The following GYPE variants were observed in gnomAD, a reference collection of about 807,000 sequenced individuals.
The protein encoded by GYPE is glycophorin E (MNS blood group), also known as glycophorin-E.
GYPE carries 8 observed loss-of-function variants against 11.6 expected under a neutral mutation model. The observed-to-expected ratio is 0.69, with a 90% CI of 0.41 to 1.25. The LOEUF (loss-of-function observed/expected upper bound fraction) is 1.25. Among genes scored for constraint, GYPE ranks in the 50% most tolerant of loss-of-function variants. The pLI is 0.01. For missense variants in GYPE, 90 were observed against 92.8 expected (o/e 0.97, Z 0.12); for synonymous variants, 28 against 29.6 (o/e 0.94, Z 0.18).
chr4:143,871,787 C>G lies in GYPE; in HGVS notation c.*475G>C, dbSNP rs1218094522. 6.6e-6 allele frequency: 1 copy of G among 152,118 alleles called. No homozygotes were observed. Among genetic ancestry groups the G allele is most frequent in the African/African-American group, 2.4e-5 (1 of 41,418 alleles). The allele number at this position is 152,118 out of a possible 1,614,324, so 9.4% of individuals were successfully genotyped here. A position where few individuals can be genotyped will look rare whatever the true frequency, so the allele number is the denominator to read the frequency against. On this transcript the variant is annotated 3_prime_UTR_variant, in exon 4 of 4. Coordinates refer to ENST00000358615, the MANE Select transcript of GYPE (RefSeq NM_198682.3). Reference sequence around the variant, plus strand: ...TTCGGGCGGCATTTTGCCAATATAGCCCTATCCTAAGGGAAAGGGAATTGT... The same window carrying G: ...TTCGGGCGGCATTTTGCCAATATAGGCCTATCCTAAGGGAAAGGGAATTGT...
At chr4:143,872,686 T>C (rs184553385) in intron 3 of GYPE, among the ~76,000 whole-genome samples, 1 of 152,094 alleles carries the variant, frequency 6.6e-6, no homozygotes, top group East Asian at 1.9e-4. Flanking sequence ...ACAAAGCAGA[T>C]AAAAAATACA....
chr4:143,880,075 C>T (rs1219266780), intron 2 of GYPE, among the ~76,000 whole-genome samples: 1 of 152,198 alleles, frequency 6.6e-6, no homozygotes, highest in African/African-American at 2.4e-5. Context: ...GAGCTGAGCC[C>T]GGGTCTGAGC....
chr4:143,894,386 C>T lies in GYPE; in HGVS notation c.37+11085G>A, dbSNP rs1319434770. Among the ~76,000 whole-genome samples the T allele has an allele frequency of 3.3e-5, 5 of 152,024 alleles. No homozygotes were observed. The South Asian group carries it at 1.0e-3, about 32-fold the overall frequency. On this transcript the variant is annotated intron_variant, in intron 1 of 3. Coordinates refer to ENST00000358615, the MANE Select transcript of GYPE (RefSeq NM_198682.3). ...GTTCCTTTGGAGGAGGAGAGGTGCT[C>T]TGCTTTTTAGAGTTTCCAGTTTTTC...
intron 1 of GYPE, among the ~76,000 whole-genome samples, chr4:143,903,544 A>AAAAAAAAAAG (rs1744946440): frequency 1.4e-5 from 2 of 146,064 alleles, no homozygotes; most frequent in African/African-American, 5.0e-5. Flanking sequence ...AAAAAAAAAG[A>AAAAAAAAAAG]AAAAAAAAGA....
At chr4:143,892,054 A>G (rs1341725944) in intron 1 of GYPE, among the ~76,000 whole-genome samples, 5 of 152,158 alleles carry the variant, frequency 3.3e-5, no homozygotes, top group Non-Finnish European at 7.3e-5. Context: ...TGTATGTGTC[A>G]AGGAATCTAT....
intron 1 of GYPE, among the ~76,000 whole-genome samples, chr4:143,895,628 A>C (rs1226710934): frequency 4.1e-4 from 60 of 146,396 alleles, no homozygotes; most frequent in Admixed American, 7.6e-4. Flanking sequence ...GCTACCAATG[A>C]CTTTCTTCAC....
intron 1 of GYPE, among the ~76,000 whole-genome samples, chr4:143,904,409 G>A (rs1297225987): frequency 6.6e-6 from 1 of 152,030 alleles, no homozygotes; most frequent in African/African-American, 2.4e-5. Context: ...TAAAGACAAG[G>A]ACACATAAAA....
chr4:143,874,752 G>T (rs1223226630), intron 3 of GYPE, among the ~76,000 whole-genome samples: 3 of 152,122 alleles, frequency 2.0e-5, no homozygotes, highest in Non-Finnish European at 4.4e-5. Flanking sequence ...TGGGCATCCT[G>T]GAGTCCCTCA....
intron 2 of GYPE, among the ~76,000 whole-genome samples, chr4:143,878,301 T>C (rs976392873): frequency 2.6e-5 from 4 of 152,050 alleles, no homozygotes; most frequent in African/African-American, 9.7e-5. Flanking sequence ...CCATCCCAGT[T>C]AATTTTTGTA....
chr4:143,896,992 C>T (rs2149914939), intron 1 of GYPE, among the ~76,000 whole-genome samples: 1 of 151,152 alleles, frequency 6.6e-6, no homozygotes, highest in Admixed American at 6.6e-5. Context: ...GAACATCACA[C>T]TCTGGGGACT....
intron 1 of GYPE, among the ~76,000 whole-genome samples, chr4:143,892,913 T>TA (rs1163343330): frequency 1.3e-5 from 2 of 150,858 alleles, no homozygotes; most frequent in Non-Finnish European, 3.0e-5. Flanking sequence ...AGTGGGGTGT[T>TA]AAAGTCTCCC....
At position 143,880,439 on chromosome 4, in the gene GYPE, T is replaced by C. The variant is rs1427531950; in HGVS notation, c.108A>G (p.Thr36=). The part of the protein sequence containing the change: ...AMHTSTSSSV[T]KSYISSQTNG... ...TTGTCTGTGATGAGATGTAACTCTT[T>C]GTGACTGAAGAAGAGGTTGAAGTGT... Residue 36 remains threonine, a synonymous_variant, in exon 2 of 4, where the codon ACA becomes ACG. Transcript: ENST00000358615. 4 of 1,614,008 alleles carry C rather than the reference T, an allele frequency of 2.5e-6. No individual in the cohort carries two copies. The highest frequency in any genetic ancestry group is 3.4e-6 in the Non-Finnish European group (4 of 1,179,858).
intron 1 of GYPE, among the ~76,000 whole-genome samples, chr4:143,883,842 G>C (rs901752368): frequency 1.3e-5 from 2 of 151,456 alleles, no homozygotes; most frequent in Admixed American, 6.6e-5. Context: ...AAAACAAAAA[G>C]TAAAAAATAA....
chr4:143,871,220 C>G lies in GYPE; in HGVS notation c.*1042G>C, dbSNP rs1278658491. ...AGTCATTCCACATATTGAGTGATTT[C>G]TCTCTTCTATTCAGTATTCTTCCAC... On this transcript the variant is annotated 3_prime_UTR_variant, in exon 4 of 4. Coordinates refer to ENST00000358615, the MANE Select transcript of GYPE (RefSeq NM_198682.3). The G allele has an allele frequency of 6.6e-6, 1 of 151,986 alleles. No individual in the cohort carries two copies. Among genetic ancestry groups the G allele is most frequent in the Non-Finnish European group, 1.5e-5 (1 of 68,030 alleles). The allele number at this position is 151,986 out of a possible 1,614,324, so 9.4% of individuals were successfully genotyped here. A position where few individuals can be genotyped will look rare whatever the true frequency, so the allele number is the denominator to read the frequency against.
At chr4:143,879,732 C>G (rs57788706) in intron 2 of GYPE, among the ~76,000 whole-genome samples, 1 of 151,758 alleles carries the variant, frequency 6.6e-6, no homozygotes. Context: ...AGAAAGGGAA[C>G]AAGAATGAGG....
intron 1 of GYPE, among the ~76,000 whole-genome samples, chr4:143,902,538 C>T (rs1168249910): frequency 6.6e-6 from 1 of 151,926 alleles, no homozygotes; most frequent in Non-Finnish European, 1.5e-5. Flanking sequence ...CTCTTCCTTT[C>T]CCTTCTCTCT....
At chr4:143,877,505 C>T (rs1251497903) in intron 2 of GYPE, among the ~76,000 whole-genome samples, 2 of 152,256 alleles carry the variant, frequency 1.3e-5, no homozygotes, top group Admixed American at 1.3e-4. Context: ...AATGAAACAA[C>T]TTAAATCAAG....
chr4:143,902,183 C>A (rs1477872811), intron 1 of GYPE, among the ~76,000 whole-genome samples: 1 of 151,904 alleles, frequency 6.6e-6, no homozygotes, highest in Non-Finnish European at 1.5e-5. Context: ...ATACTGACTG[C>A]CTACTATGTG....
At chr4:143,875,278 G>A (rs1405189075) in intron 3 of GYPE, 3 of 595,306 alleles carry the variant, frequency 5.0e-6, no homozygotes, top group African/African-American at 3.7e-5. Context: ...TTTAAACATA[G>A]CTTGAAATAA....
Sources: allele counts gnomAD v4.1 joint callset (sites outside exome capture counted in the v4.1 genomes callset), GRCh38; gene constraint gnomAD v4.1.1; transcripts MANE v1.5; gene names NCBI Gene and HGNC (gene_info 2026-07-23, HGNC 2026-07-21).